Variants in CPNE7 observed in about 807,000 individuals in gnomAD.
CPNE7 encodes copine-7.
Under a neutral mutation model 66.5 loss-of-function variants are expected in CPNE7, and 78 were observed. The ratio of observed to expected loss-of-function variants is 1.17; its 90% confidence interval spans 0.98 to 1.42. CPNE7 has a LOEUF of 1.42. Ranked by LOEUF, CPNE7 falls within the 40% of genes most tolerant of loss-of-function variation. The pLI is 0.00. For synonymous variants in CPNE7, 468 were observed against 336.7 expected, an observed-to-expected ratio of 1.39 and a Z score of -4.27; for missense variants, 1,012 against 776.6, an observed-to-expected ratio of 1.30 and a Z score of -3.60.
At chr16:89,586,535 T>A (rs878947693) in intron 7 of CPNE7, 135 bp from the exon 8 acceptor site, 1 of 671,898 alleles carries the variant, frequency 1.5e-6, no homozygotes, top group Non-Finnish European at 2.6e-6. Flanking sequence ...CCTGCTGCCC[T>A]GCAGCAGTGC....
At position 89,586,655 on chromosome 16, in the gene CPNE7, T is replaced by G; in HGVS notation, c.781-15T>G. 1.2e-6 allele frequency: 2 copies of G among 1,610,340 alleles called. No individual in the cohort carries two copies. Among genetic ancestry groups the G allele is most frequent in the Non-Finnish European group, 1.7e-6 (2 of 1,177,298 alleles). On this transcript the variant is annotated splice_polypyrimidine_tract_variant and intron_variant, in intron 7 of 14. Coordinates refer to ENST00000319518, the MANE Select transcript of CPNE7 (RefSeq NM_153636.3). ...AGCCACCACTCTGGGGGGCCTCTGCTTGTTCCTGCCCCAGGCCCAGTGGGA... is the reference window on the plus strand; with the variant it reads ...AGCCACCACTCTGGGGGGCCTCTGCGTGTTCCTGCCCCAGGCCCAGTGGGA...
Position 89,585,166 on chromosome 16 carries a change from A to T in CPNE7, c.592-298A>T, listed in dbSNP as rs2059015314. ...GGAGAGAGTGCTTTCTTTTGAGAGAAATTAACTTGAGTGAAAATGAATCTA... is the reference window on the plus strand; with the variant it reads ...GGAGAGAGTGCTTTCTTTTGAGAGATATTAACTTGAGTGAAAATGAATCTA... On this transcript the variant is annotated intron_variant, in intron 5 of 14. Transcript: ENST00000319518. Among the ~76,000 whole-genome samples, 4 of 152,324 alleles carry T rather than the reference A, an allele frequency of 2.6e-5. No individual in the cohort carries two copies. The South Asian group carries it at 8.3e-4, about 32-fold the overall frequency.
chr16:89,595,679 G>A (rs2059243883), intron 14 of CPNE7, 76 bp downstream of exon 14: 3 of 1,323,262 alleles, frequency 2.3e-6, no homozygotes, highest in Non-Finnish European at 3.2e-6. Flanking sequence ...ACCTTCCCAG[G>A]CCAGGCTCAC....
In CPNE7 at chr16:89,595,430, G is replaced by A; in HGVS notation, c.1366G>A (p.Ala456Thr). 6.2e-7 allele frequency: 1 copy of A among 1,608,472 alleles called. No homozygotes were observed. Among genetic ancestry groups the A allele is most frequent in the Non-Finnish European group, 8.5e-7 (1 of 1,176,758 alleles). ...GACCGACATGGCCGACACACGGGAG[G>A]CCATTGTGCGTGCCTCACGCCTGCC... ...VVTDMADTRE[A>T]IVRASRLPMS... is the part of the protein sequence containing the mutation. The change falls in exon 14 of 15, where the codon GCC (alanine) becomes ACC (threonine). Residue 456 changes from alanine (A) to threonine (T), a missense_variant. By Grantham distance (58) the Ala-to-Thr change is moderately conservative (BLOSUM62 0). Transcript: ENST00000319518.
chr16:89,591,302 G>C (rs779551503), intron 13 of CPNE7, 42 bp downstream of exon 13: 12 of 1,515,296 alleles, frequency 7.9e-6, no homozygotes, highest in Non-Finnish European at 1.1e-5. Flanking sequence ...GTGTGGGGTC[G>C]GCTGTGTGTG....
intron 7 of CPNE7, among the ~76,000 whole-genome samples, chr16:89,586,462 C>G (rs555996769): frequency 6.6e-6 from 1 of 151,970 alleles, no homozygotes; most frequent in South Asian, 2.1e-4. Context: ...ATGACAGGGC[C>G]ATGCCGGGTG....
In CPNE7 at chr16:89,584,181, T is replaced by A; in HGVS notation, c.507+79T>A. 7.1e-7 allele frequency: 1 copy of A among 1,413,746 alleles called. No homozygotes were observed. Among genetic ancestry groups the A allele is most frequent in the Non-Finnish European group, 9.7e-7 (1 of 1,026,372 alleles). The allele number at this position is 1,413,746 out of a possible 1,614,324, so 87.6% of individuals were successfully genotyped here. A position where few individuals can be genotyped will look rare whatever the true frequency, so the allele number is the denominator to read the frequency against. ...CGAAAACCCGGTCCCTGCCCAGCGC[T>A]GACCTCGCGTGGCTATGTCCCGTGT... On this transcript the variant is annotated intron_variant, in intron 4 of 14. Coordinates refer to ENST00000319518, the MANE Select transcript of CPNE7 (RefSeq NM_153636.3). This position sits in a 1 kb window ranked among gnomAD's most constrained non-coding sequence, Gnocchi z 6.0.
At chr16:89,577,913 G>C (rs192746634) in intron 2 of CPNE7, among the ~76,000 whole-genome samples, 192 bp downstream of exon 2, 5 of 152,152 alleles carry the variant, frequency 3.3e-5, no homozygotes, top group African/African-American at 9.7e-5. Context: ...TAATACATTC[G>C]TATGTTTTAA....
intron 10 of CPNE7, among the ~76,000 whole-genome samples, 167 bp from the exon 11 acceptor site, chr16:89,589,730 C>T (rs933438900): frequency 6.6e-6 from 1 of 152,192 alleles, no homozygotes; most frequent in Non-Finnish European, 1.5e-5. Flanking sequence ...GCCTGTGCCT[C>T]TGCTGCCCTG....
chr16:89,587,164 C>T (rs1227660197), intron 9 of CPNE7, 62 bp downstream of exon 9: 1 of 941,558 alleles, frequency 1.1e-6, no homozygotes, highest in East Asian at 2.7e-5. Context: ...CGCCCCGCCC[C>T]CTCAGTCCGT....
At chr16:89,594,183 C>A (rs978537472) in intron 13 of CPNE7, 1 of 141,122 alleles carries the variant, frequency 7.1e-6, no homozygotes, top group Non-Finnish European at 1.5e-5. Flanking sequence ...CTGGTGCTCG[C>A]ACAGTTGGCA....
At chr16:89,589,837 G>T in intron 10 of CPNE7, 60 bp from the exon 11 acceptor site, 1 of 1,584,270 alleles carries the variant, frequency 6.3e-7, no homozygotes, top group Non-Finnish European at 8.7e-7. Flanking sequence ...CCCTAGAAGT[G>T]GCCCCTGTTG....
rs776080905 is a variant in CPNE7 at position 89,583,812 on chromosome 16, G to A, written c.432+41G>A. On this transcript the variant is annotated intron_variant, in intron 3 of 14. Transcript: ENST00000319518. ...ACCCCTGCAGCCTGCAGGCCCTGCT[G>A]CTGTGGCTCCGAGGGGTGTTGTGGG... The A allele has an allele frequency of 3.1e-6, 5 of 1,605,566 alleles. No homozygotes were observed. In the East Asian group the frequency reaches 1.1e-4, roughly 36 times the overall value.
chr16:89,587,103 G>T lies in CPNE7; in HGVS notation c.927+1G>T, dbSNP rs1039474598. On this transcript the variant is annotated splice_donor_variant, in intron 9 of 14. Coordinates refer to ENST00000319518, the MANE Select transcript of CPNE7 (RefSeq NM_153636.3). LOFTEE classifies it high-confidence loss of function. ...GGGCGGCTGCCAGATCCACTTCACC[G>T]TGAGTCCATGGCCCCGCCCCATGCC... 1.7e-5 allele frequency: 27 copies of T among 1,553,332 alleles called. No homozygotes were observed. The highest frequency in any genetic ancestry group is 2.0e-4 in the Middle Eastern group (1 of 5,118).
intron 14 of CPNE7, 90 bp downstream of exon 14, chr16:89,595,693 A>G: frequency 8.6e-7 from 1 of 1,158,406 alleles, no homozygotes; most frequent in South Asian, 1.3e-5. Flanking sequence ...GGCTCACGCC[A>G]GTGGATGTGG....
chr16:89,594,642 CTTTTTT>C lies in CPNE7; in HGVS notation c.1303-701_1303-696del, dbSNP rs57032352. ...GATTTTATTTGAAGTTCCATTCTGC[CTTTTTT>C]TTTTTTTTTTTTTTTTTTTTTTTGG... On this transcript the variant is annotated intron_variant, in intron 13 of 14. Transcript: ENST00000319518. Among the ~76,000 whole-genome samples the C allele has an allele frequency of 8.6e-4, 75 of 86,872 alleles. 2 individuals carry two copies. The highest frequency in any genetic ancestry group is 3.1e-3 in the African/African-American group (73 of 23,200). The allele number at this position is 86,872 out of a possible 152,430, so 57.0% of individuals were successfully genotyped here.
chr16:89,596,340 C>T (rs978336277), intron 14 of CPNE7, 144 bp from the exon 15 acceptor site: 2 of 1,135,544 alleles, frequency 1.8e-6, no homozygotes, highest in African/African-American at 1.6e-5. Context: ...GCAAGTCTTG[C>T]CCGGCACCCA....
chr16:89,586,634 A>C, intron 7 of CPNE7, 36 bp from the exon 8 acceptor site: 1 of 1,558,304 alleles, frequency 6.4e-7, no homozygotes, highest in Non-Finnish European at 8.8e-7. Context: ...GTTCAGAGCC[A>C]CCACTCTGGG....
intron 10 of CPNE7, 94 bp downstream of exon 10, chr16:89,588,902 G>A: frequency 6.5e-7 from 1 of 1,527,668 alleles, no homozygotes; most frequent in Non-Finnish European, 8.9e-7. Context: ...TGGTCTCCAG[G>A]TCAGCTATGA....
Sources: gnomAD v4.1 joint callset for allele counts (sites outside exome capture counted in the v4.1 genomes callset) on GRCh38, gnomAD v4.1.1 for gene constraint, Gnocchi (gnomAD v3.1) non-coding constraint, MANE v1.5 for transcripts, NCBI Gene and HGNC (gene_info 2026-07-23, HGNC 2026-07-21) for gene names.